Variants in NOL4 observed in about 807,000 individuals in gnomAD.
NOL4 encodes nucleolar protein 4.
A neutral mutation model predicts 75.9 loss-of-function variants in NOL4; 17 were observed. The ratio of observed to expected loss-of-function variants is 0.22; its 90% CI spans 0.15 to 0.34. The LOEUF is 0.34. Among genes scored for constraint, NOL4 ranks in the 10% least tolerant of loss-of-function variants. The pLI, the probability that NOL4 is intolerant of heterozygous loss-of-function variation, is 1.00. For missense variants in NOL4, 614 were observed against 793.5 expected (o/e 0.77, Z 2.72); for synonymous variants, 292 against 289.9 (o/e 1.01, Z -0.07).
In NOL4 at chr18:34,032,314, TG is replaced by T. The variant is rs142964459; in HGVS notation, c.773-12714del. 5.5e-3 allele frequency among the ~76,000 whole-genome samples: 833 copies of T among 152,230 alleles called. 8 individuals are homozygous for T. Among genetic ancestry groups the T allele is most frequent in the African/African-American group, 0.019 (778 of 41,554 alleles). On this transcript the variant is annotated intron_variant, in intron 5 of 10. Transcript: ENST00000261592. ...GCCCACAACCTGAGCATTCTGATGG[TG>T]GCCTGGGGATCACCCCACCCCTGCC...
At chr18:34,115,362 A>C (rs1425004150) in intron 2 of NOL4, among the ~76,000 whole-genome samples, 1 of 152,082 alleles carries the variant, frequency 6.6e-6, no homozygotes, top group Non-Finnish European at 1.5e-5. Context: ...GGAGTAGCAT[A>C]ATAATAGCTC....
intron 6 of NOL4, among the ~76,000 whole-genome samples, chr18:34,014,310 C>A (rs1444990271): frequency 6.6e-6 from 1 of 151,792 alleles, no homozygotes; most frequent in African/African-American, 2.4e-5. Flanking sequence ...AACTGAGACC[C>A]AAATATGCAG....
chr18:33,946,535 CCTAGTGAACT>C (rs1478759154), intron 8 of NOL4, among the ~76,000 whole-genome samples: 1 of 151,590 alleles, frequency 6.6e-6, no homozygotes, highest in Non-Finnish European at 1.5e-5. Flanking sequence ...AGTTATAATC[CCTAGTGAACT>C]ATTATTCACA....
intron 10 of NOL4, among the ~76,000 whole-genome samples, chr18:33,860,328 C>A (rs924148681): frequency 1.3e-5 from 2 of 152,080 alleles, no homozygotes; most frequent in Non-Finnish European, 1.5e-5. Context: ...ATTTCAAAAC[C>A]AATCATGCCT....
chr18:33,864,095 C>T (rs1040676567), intron 10 of NOL4, among the ~76,000 whole-genome samples: 1 of 152,168 alleles, frequency 6.6e-6, no homozygotes, highest in South Asian at 2.1e-4. Context: ...AGGCTGCACA[C>T]AGCAGCAAGT....
chr18:34,066,661 G>A (rs117830893), intron 5 of NOL4, among the ~76,000 whole-genome samples: 8,490 of 149,198 alleles, frequency 0.057, 364 homozygotes, highest in Non-Finnish European at 0.085. Flanking sequence ...TATTTGAAAA[G>A]TTTCTTATTT....
chr18:34,020,574 A>G (rs1170203885), intron 5 of NOL4, among the ~76,000 whole-genome samples: 3 of 152,214 alleles, frequency 2.0e-5, no homozygotes, highest in African/African-American at 7.2e-5. Context: ...TGTTGTTCAT[A>G]ATAGCAAAAA....
At chr18:34,139,210 T>G (rs1230824714) in intron 1 of NOL4, among the ~76,000 whole-genome samples, 2 of 152,158 alleles carry the variant, frequency 1.3e-5, no homozygotes, top group Non-Finnish European at 2.9e-5. Flanking sequence ...TTAGGGAGGA[T>G]TCCCTCTTTT....
chr18:34,012,396 T>C (rs1251276179), intron 6 of NOL4, among the ~76,000 whole-genome samples: 7 of 151,908 alleles, frequency 4.6e-5, no homozygotes, highest in Non-Finnish European at 1.0e-4. Flanking sequence ...TTATGTATCA[T>C]TTTATTTTTA....
chr18:34,127,240 A>C (rs1284289024), intron 2 of NOL4, among the ~76,000 whole-genome samples: 1 of 151,924 alleles, frequency 6.6e-6, no homozygotes, highest in Non-Finnish European at 1.5e-5. Context: ...TCAAAAGTTA[A>C]TCCAACATTA....
At chr18:34,055,635 G>A (rs765600173) in intron 5 of NOL4, among the ~76,000 whole-genome samples, 8 of 151,908 alleles carry the variant, frequency 5.3e-5, no homozygotes, top group African/African-American at 4.8e-5. Flanking sequence ...ATGTATATCC[G>A]TTTCTTTCCT....
At chr18:34,115,488 C>G (rs775322439) in intron 2 of NOL4, among the ~76,000 whole-genome samples, 3 of 133,204 alleles carry the variant, frequency 2.3e-5, no homozygotes, top group Non-Finnish European at 3.2e-5. Context: ...TGCCCACCCC[C>G]CTCCCCCTTA....
At chr18:33,915,145 G>A (rs1449172098) in intron 9 of NOL4, among the ~76,000 whole-genome samples, 1 of 152,120 alleles carries the variant, frequency 6.6e-6, no homozygotes, top group Non-Finnish European at 1.5e-5. Context: ...AATCAACCGT[G>A]ACAAATGCCC....
chr18:34,064,125 T>G (rs1182997114), intron 5 of NOL4, among the ~76,000 whole-genome samples: 1 of 152,026 alleles, frequency 6.6e-6, no homozygotes, highest in East Asian at 1.9e-4. Flanking sequence ...TTGTCACTTA[T>G]GAAACACAAA....
rs142747792 is a variant in NOL4 at position 34,028,350 on chromosome 18, G to C, written c.773-8749C>G. On this transcript the variant is annotated intron_variant, in intron 5 of 10. Coordinates refer to ENST00000261592, the MANE Select transcript of NOL4 (RefSeq NM_003787.5). ...TTCACTGCTGATGGCACATTTCCAG[G>C]ATCCTTATTTAGTGGTTATCCATGC... Among the ~76,000 whole-genome samples, 14 of 152,312 alleles carry C rather than the reference G, an allele frequency of 9.2e-5. No individual in the cohort carries two copies. The East Asian group carries it at 2.7e-3, about 29-fold the overall frequency.
At chr18:34,055,489 C>T (rs2040519507) in intron 5 of NOL4, among the ~76,000 whole-genome samples, 1 of 152,098 alleles carries the variant, frequency 6.6e-6, no homozygotes, top group South Asian at 2.1e-4. Flanking sequence ...CTTATAGAGG[C>T]TATAATGTAC....
chr18:34,092,990 T>C (rs75836004), intron 5 of NOL4, among the ~76,000 whole-genome samples: 4,828 of 152,284 alleles, frequency 0.032, 81 homozygotes, highest in Middle Eastern at 0.048. Context: ...CAGCAAATAT[T>C]GTCTTACTCA....
chr18:34,077,247 G>T lies in NOL4; in HGVS notation c.772+16218C>A, dbSNP rs562444125. Among the ~76,000 whole-genome samples, 12 of 152,266 alleles carry T rather than the reference G, an allele frequency of 7.9e-5. No homozygotes were observed. The South Asian group carries it at 2.3e-3, about 29-fold the overall frequency. On this transcript the variant is annotated intron_variant, in intron 5 of 10. Coordinates refer to ENST00000261592, the MANE Select transcript of NOL4 (RefSeq NM_003787.5). ...CATCTGAACCCCAGTGGTTGAGGCT[G>T]CAGTGAGCTGTGATCATGCTACTGC... is the stretch of plus-strand genomic sequence containing the variant.
intron 1 of NOL4, chr18:34,222,471 C>T: frequency 1.8e-6 from 2 of 1,092,290 alleles, no homozygotes; most frequent in Non-Finnish European, 2.2e-6. Context: ...AACGATAAAA[C>T]CTGACAGTGT....
Sources: allele counts gnomAD v4.1 joint callset (sites outside exome capture counted in the v4.1 genomes callset), GRCh38; gene constraint gnomAD v4.1.1; transcripts MANE v1.5; gene names NCBI Gene and HGNC (gene_info 2026-07-23, HGNC 2026-07-21).